Variants in FANCA observed in about 807,000 individuals in gnomAD.
FANCA encodes the protein FA complementation group A.
Under a neutral mutation model 194.3 loss-of-function variants are expected in FANCA, and 236 were observed. The observed-to-expected ratio is 1.21, with a 90% CI of 1.09 to 1.35. The LOEUF is 1.35. Ranked by LOEUF, FANCA falls within the 40% of genes most tolerant of loss-of-function variation. FANCA has a pLI of 0.00. For missense variants in FANCA, 2,628 were observed against 1,813.9 expected (o/e 1.45, Z -8.15); for synonymous variants, 1,014 against 715.8 (o/e 1.42, Z -6.65).
intron 30 of FANCA, among the ~76,000 whole-genome samples, chr16:89,754,955 G>T (rs998917344): frequency 8.5e-5 from 13 of 152,106 alleles, no homozygotes; most frequent in Non-Finnish European, 1.8e-4. Context: ...TGAAAAAGAA[G>T]AACCAAGTTG....
At chr16:89,743,764 G>A (rs951373759) in intron 36 of FANCA, among the ~76,000 whole-genome samples, 11 of 152,034 alleles carry the variant, frequency 7.2e-5, no homozygotes, top group Non-Finnish European at 1.0e-4. Context: ...CGGAGGTCAT[G>A]GTGAGCCGAG....
At chr16:89,770,762 T>C in intron 23 of FANCA, 128 bp from the exon 24 acceptor site, 2 of 807,406 alleles carry the variant, frequency 2.5e-6, no homozygotes, top group South Asian at 1.5e-5. Flanking sequence ...ACAGGCTTGT[T>C]TGGAGGGCAT....
chr16:89,789,607 T>C (rs532870718), intron 14 of FANCA, among the ~76,000 whole-genome samples: 2 of 152,018 alleles, frequency 1.3e-5, no homozygotes, highest in South Asian at 2.1e-4. Context: ...ACCCAGCTAA[T>C]TGTTACATTC....
intron 5 of FANCA, among the ~76,000 whole-genome samples, chr16:89,810,094 G>A (rs764342847): frequency 2.4e-4 from 36 of 151,920 alleles, no homozygotes; most frequent in Non-Finnish European, 5.0e-4. Context: ...AGGCCGAGGT[G>A]GGCAGATCAC....
intron 32 of FANCA, among the ~76,000 whole-genome samples, chr16:89,749,113 G>A (rs1005348631): frequency 2.6e-5 from 4 of 152,120 alleles, no homozygotes; most frequent in Non-Finnish European, 4.4e-5. Flanking sequence ...ATGACTCCAC[G>A]CTGCTTCTTA....
At chr16:89,771,020 C>G (rs1191761848) in intron 23 of FANCA, among the ~76,000 whole-genome samples, 1 of 152,044 alleles carries the variant, frequency 6.6e-6, no homozygotes, top group African/African-American at 2.4e-5. Context: ...CAAAAATTAG[C>G]TGGGCGTAGT....
At position 89,742,935 on chromosome 16, in the gene FANCA, G is replaced by GA. The variant is rs2062172394; in HGVS notation, c.3629dup (p.Leu1211ProfsTer4). The stretch of plus-strand genomic sequence containing the variant: ...CTGGGGAGGCAGCCTCAGGGGAGAG[G>GA]AAACTGGGACAGAGAGAACGGGGTC... On this transcript the variant is annotated frameshift_variant, in exon 37 of 43. Coordinates refer to ENST00000389301, the MANE Select transcript of FANCA (RefSeq NM_000135.4). LOFTEE classifies it high-confidence loss of function. 1 of 1,613,940 alleles carries GA rather than the reference G, an allele frequency of 6.2e-7. No individual in the cohort carries two copies. The highest frequency in any genetic ancestry group is 1.1e-5 in the South Asian group (1 of 91,070).
At chr16:89,805,665 G>A (rs537498710) in intron 6 of FANCA, among the ~76,000 whole-genome samples, 3 of 152,114 alleles carry the variant, frequency 2.0e-5, no homozygotes, top group Admixed American at 2.0e-4. Flanking sequence ...CAAACTCCCG[G>A]GCTCAAAACA....
chr16:89,769,794 CGAGA>C (rs1218581694), intron 26 of FANCA, 39 bp downstream of exon 26: 2 of 1,604,194 alleles, frequency 1.2e-6, no homozygotes, highest in East Asian at 2.2e-5. Flanking sequence ...TGTCACTTTT[CGAGA>C]GAGAGGAGAG....
chr16:89,792,827 T>C (rs1009621201), intron 11 of FANCA: 3 of 396,044 alleles, frequency 7.6e-6, no homozygotes. Context: ...GTGTGAGTCA[T>C]CTCCAATGAT....
Position 89,769,957 on chromosome 16 carries a change from C to G in FANCA, c.2384G>C (p.Arg795Thr). Residue 795 changes from arginine (R) to threonine (T), a missense_variant, in exon 26 of 43, where the codon AGG (arginine) becomes ACG (threonine). Coordinates refer to ENST00000389301, the MANE Select transcript of FANCA (RefSeq NM_000135.4). Reference protein sequence around the residue: ...AALAVHLGESRSALPEVDVGP... With the variant: ...AALAVHLGESTSALPEVDVGP... ...CACATCCACCTCTGGGAGCGCAGACCTGGACTCACCCAGGTGCACGGCCAG... is the reference window on the plus strand; with the variant it reads ...CACATCCACCTCTGGGAGCGCAGACGTGGACTCACCCAGGTGCACGGCCAG... 1.2e-6 allele frequency: 2 copies of G among 1,614,040 alleles called. No homozygotes were observed. The highest frequency in any genetic ancestry group is 1.7e-6 in the Non-Finnish European group (2 of 1,180,014).
At position 89,764,778 on chromosome 16, in the gene FANCA, A is replaced by G. The variant is rs140073727; in HGVS notation, c.2778+112T>C. The G allele has an allele frequency of 1.9e-4, 239 of 1,280,030 alleles. 1 individual carries two copies. In the African/African-American group the frequency reaches 2.6e-3, roughly 14 times the overall value. The allele number at this position is 1,280,030 out of a possible 1,614,324, so 79.3% of individuals were successfully genotyped here. A position where few individuals can be genotyped will look rare whatever the true frequency, so the allele number is the denominator to read the frequency against. ...ACACACCCTAGACTCGGGACGTGGC[A>G]TGATGCAGGGGAAGGAACGGTCACC... On this transcript the variant is annotated intron_variant, in intron 28 of 42. Coordinates refer to ENST00000389301, the MANE Select transcript of FANCA (RefSeq NM_000135.4).
chr16:89,809,175 G>C (rs1417919719), intron 5 of FANCA, among the ~76,000 whole-genome samples: 1 of 151,856 alleles, frequency 6.6e-6, no homozygotes, highest in African/African-American at 2.4e-5. Context: ...CAAAGTGCTG[G>C]GATTACAGGT....
chr16:89,775,945 G>A, intron 20 of FANCA, 130 bp from the exon 21 acceptor site: 6 of 467,164 alleles, frequency 1.3e-5, no homozygotes, highest in East Asian at 4.1e-5. Flanking sequence ...TGTACAGTAT[G>A]AGCCTGTTTT....
At chr16:89,794,967 C>T (rs2040194142) in intron 11 of FANCA, among the ~76,000 whole-genome samples, 1 of 152,118 alleles carries the variant, frequency 6.6e-6, no homozygotes, top group Non-Finnish European at 1.5e-5. Context: ...GGAGAATGTG[C>T]ATGCTCAAAC....
At chr16:89,745,217 T>C (rs1181130252) in intron 35 of FANCA, 146 bp from the exon 36 acceptor site, 2 of 750,614 alleles carry the variant, frequency 2.7e-6, no homozygotes, top group Non-Finnish European at 4.6e-6. Context: ...GCCAGTATTT[T>C]TTACGTCAAT....
intron 21 of FANCA, among the ~76,000 whole-genome samples, chr16:89,774,755 T>G (rs1227170176): frequency 8.5e-5 from 2 of 23,508 alleles, no homozygotes; most frequent in Non-Finnish European, 2.3e-4. Context: ...AAAAAAAAAA[T>G]CTCAACGAGC....
intron 14 of FANCA, among the ~76,000 whole-genome samples, chr16:89,787,266 G>C (rs1372927467): frequency 6.6e-6 from 1 of 152,178 alleles, no homozygotes; most frequent in Non-Finnish European, 1.5e-5. Flanking sequence ...GCTAGCGCCT[G>C]TGATCCCAAC....
At position 89,761,944 on chromosome 16, in the gene FANCA, C is replaced by T; in HGVS notation, c.2852+5G>A. 6.2e-7 allele frequency: 1 copy of T among 1,613,178 alleles called. No individual in the cohort carries two copies. The highest frequency in any genetic ancestry group is 8.5e-7 in the Non-Finnish European group (1 of 1,179,114). On this transcript the variant is annotated splice_donor_5th_base_variant and intron_variant, in intron 29 of 42. Coordinates refer to ENST00000389301, the MANE Select transcript of FANCA (RefSeq NM_000135.4). Reference sequence around the variant, plus strand: ...CTGGCCAGGGTAGCTCTTTTCAACACTTACCGTTCAGTATCTGAAAGAGCA... The same window carrying T: ...CTGGCCAGGGTAGCTCTTTTCAACATTTACCGTTCAGTATCTGAAAGAGCA...
Sources: gnomAD v4.1 joint callset for allele counts (sites outside exome capture counted in the v4.1 genomes callset) on GRCh38, gnomAD v4.1.1 for gene constraint, MANE v1.5 for transcripts, NCBI Gene and HGNC (gene_info 2026-07-23, HGNC 2026-07-21) for gene names.